SACS: variants seen among roughly 807,000 people sequenced by gnomAD.
SACS encodes the protein sacsin molecular chaperone.
A neutral mutation model predicts 348.0 loss-of-function variants in SACS; 197 were observed. That is an observed-to-expected ratio of 0.57 (90% CI 0.50 to 0.64). The LOEUF (loss-of-function observed/expected upper bound fraction) is 0.64. Ranked by LOEUF, SACS falls within the 30% of genes least tolerant of loss-of-function variation. The probability of loss-of-function intolerance (pLI) is 0.00; values close to 1 mark genes in which losing one functional copy is unlikely to be tolerated. For missense variants in SACS, 4,999 were observed against 5,360.8 expected, an observed-to-expected ratio of 0.93 and a Z score of 2.11; for synonymous variants, 1,985 against 1,910.6, an observed-to-expected ratio of 1.04 and a Z score of -1.02.
chr13:23,330,887 CTAA>C lies in SACS; in HGVS notation c.12986_12988del (p.Ile4329del). The stretch of plus-strand genomic sequence containing the variant: ...AGGATGCCATTTCAAATACAACCGC[CTAA>C]TAATCTTTTTTCGTTCCGATTCTGG... On this transcript the variant is annotated inframe_deletion, in exon 10 of 10. Transcript: ENST00000382292. 6.2e-7 allele frequency: 1 copy of C among 1,614,046 alleles called. No individual in the cohort carries two copies. The highest frequency in any genetic ancestry group is 8.5e-7 in the Non-Finnish European group (1 of 1,180,020).
rs2137604768 is a variant in SACS at position 23,336,898 on chromosome 13, G to C, written c.6978C>G (p.Ala2326=). Residue 2326 remains alanine (A), a synonymous_variant, in exon 10 of 10, where the codon GCC becomes GCG. Coordinates refer to ENST00000382292, the MANE Select transcript of SACS (RefSeq NM_014363.6). ...TNACYKYLHE[A]LMQNEITKMS... The stretch of plus-strand genomic sequence containing the variant: ...TCTTAGTGATTTCATTTTGCATCAA[G>C]GCTTCATGAAGGTATTTGTAGCAAG... 1.2e-6 allele frequency: 2 copies of C among 1,613,502 alleles called. No homozygotes were observed. Among genetic ancestry groups the C allele is most frequent in the Non-Finnish European group, 1.7e-6 (2 of 1,179,574 alleles).
Position 23,380,067 on chromosome 13 carries a change from A to G in SACS, c.21-4798T>C, listed in dbSNP as rs148527728. Among the ~76,000 whole-genome samples the G allele has an allele frequency of 1.1e-3, 172 of 151,540 alleles. 1 individual carries two copies. Among genetic ancestry groups the G allele is most frequent in the Non-Finnish European group, 2.1e-3 (145 of 67,932 alleles). ...CCATTTGGGCCACACTATTTCCTCA[A>G]CATCCTTCCTGCTCTTGAGGAAGGT... is the stretch of plus-strand genomic sequence containing the variant. On this transcript the variant is annotated intron_variant, in intron 2 of 9. Coordinates refer to ENST00000382292, the MANE Select transcript of SACS (RefSeq NM_014363.6).
chr13:23,387,463 GAAAAAAA>G (rs60355580), intron 2 of SACS, among the ~76,000 whole-genome samples: 3 of 91,362 alleles, frequency 3.3e-5, no homozygotes, highest in African/African-American at 9.7e-5. Flanking sequence ...CTCCGTCTCA[GAAAAAAA>G]AAAAAAAAAA....
chr13:23,420,354 G>A (rs1873878747), intron 1 of SACS, among the ~76,000 whole-genome samples: 1 of 152,120 alleles, frequency 6.6e-6, no homozygotes, highest in South Asian at 2.1e-4. Flanking sequence ...GGGGACTAAA[G>A]TCTACCTAGA....
intron 1 of SACS, chr13:23,419,337 G>A (rs541339199): frequency 1.6e-4 from 25 of 152,528 alleles, no homozygotes; most frequent in African/African-American, 6.0e-4. Flanking sequence ...GACCAACATG[G>A]GTTTTAGTGT....
intron 1 of SACS, 48 bp downstream of exon 1, chr13:23,433,567 C>T (rs773864383): frequency 3.3e-5 from 5 of 152,390 alleles, no homozygotes; most frequent in Non-Finnish European, 7.3e-5. Context: ...CCCCAGGCCG[C>T]TCCTGCAGCT....
intron 7 of SACS, among the ~76,000 whole-genome samples, chr13:23,356,626 C>A (rs1210243300): frequency 6.6e-6 from 1 of 152,222 alleles, no homozygotes; most frequent in Admixed American, 6.5e-5. Flanking sequence ...AGCTGCTTCA[C>A]CTGTTCCTCA....
At chr13:23,399,629 G>C (rs1396518301) in intron 2 of SACS, among the ~76,000 whole-genome samples, 1 of 152,146 alleles carries the variant, frequency 6.6e-6, no homozygotes, top group Non-Finnish European at 1.5e-5. Context: ...AACCACGTTA[G>C]GGATGAAACC....
chr13:23,426,281 C>G lies in SACS; in HGVS notation c.-502+7334G>C, dbSNP rs759847100. On this transcript the variant is annotated intron_variant, in intron 1 of 9. Coordinates refer to ENST00000382292, the MANE Select transcript of SACS (RefSeq NM_014363.6). ...CTCAGGAAGTCCTGATGACATTTGCCCAAGGTGGTCAGGGCACAGCTTGGT... is the reference window on the plus strand; with the variant it reads ...CTCAGGAAGTCCTGATGACATTTGCGCAAGGTGGTCAGGGCACAGCTTGGT... 3.3e-5 allele frequency among the ~76,000 whole-genome samples: 5 copies of G among 152,226 alleles called. No individual in the cohort carries two copies. In the East Asian group the frequency reaches 9.6e-4, roughly 29 times the overall value.
intron 2 of SACS, among the ~76,000 whole-genome samples, chr13:23,376,387 CAA>C (rs34834210): frequency 7.2e-6 from 1 of 139,282 alleles, no homozygotes. Context: ...ATACACATTG[CAA>C]AAAAAAAAAG....
chr13:23,340,062 C>T lies in SACS; in HGVS notation c.3814G>A (p.Ala1272Thr). Residue 1272 changes from alanine to threonine, a missense_variant, in exon 10 of 10, where the codon GCC (alanine) becomes ACC (threonine). Physicochemically the swap from Ala to Thr is moderately conservative, Grantham distance 58. This residue lies in a region of SACS where 3,156 missense variants were observed against 3,380.1 expected (regional missense o/e 0.93). Transcript: ENST00000382292. ...HLNEGKDSFR[A>T]LKFPWVWTGK... ...GTCCAAACCCATGGAAATTTTAAGG[C>T]TCTAAAAGAATCTTTCCCTTCATTT... is the stretch of plus-strand genomic sequence containing the variant. 2 of 1,613,984 alleles carry T rather than the reference C, an allele frequency of 1.2e-6. No individual in the cohort carries two copies. The highest frequency in any genetic ancestry group is 1.7e-6 in the Non-Finnish European group (2 of 1,179,970).
intron 5 of SACS, 78 bp downstream of exon 5, chr13:23,368,324 T>C (rs1871184277): frequency 9.4e-7 from 1 of 1,061,874 alleles, no homozygotes. Context: ...ATTTAAACAC[T>C]AATAGGACTT....
rs374010041 is a variant in SACS at position 23,354,734 on chromosome 13, C to A, written c.1878G>T (p.Val626=). The change falls in exon 8 of 10, where the codon GTG becomes GTT. Residue 626 remains valine (V), a synonymous_variant. Coordinates refer to ENST00000382292, the MANE Select transcript of SACS (RefSeq NM_014363.6). ...GCACCTGCCGCACCCACGCGGGCGT[C>A]ACCTTCCTCACAGGTGTTGTGCCAG... ...AASGTTPVRK[V]TPAWVRQVLR... 7.4e-6 allele frequency: 12 copies of A among 1,613,586 alleles called. No individual in the cohort carries two copies. The highest frequency in any genetic ancestry group is 1.0e-5 in the Non-Finnish European group (12 of 1,179,584).
intron 2 of SACS, among the ~76,000 whole-genome samples, chr13:23,399,894 G>A (rs4770441): frequency 0.21 from 31,756 of 151,504 alleles, 3,512 homozygotes; most frequent in African/African-American, 0.25. Context: ...AAACTTCTCC[G>A]CACACATAAA....
intron 2 of SACS, among the ~76,000 whole-genome samples, chr13:23,380,024 T>G (rs752847522): frequency 5.3e-5 from 8 of 152,138 alleles, no homozygotes; most frequent in Non-Finnish European, 8.8e-5. Context: ...ACCTGTCACA[T>G]GACATCGTTG....
At position 23,329,473 on chromosome 13, in the gene SACS, C is replaced by A; in HGVS notation, c.*663G>T. 1.3e-6 allele frequency: 1 copy of A among 767,764 alleles called. No homozygotes were observed. Among genetic ancestry groups the A allele is most frequent in the Admixed American group, 1.8e-5 (1 of 56,594 alleles). 47.6% of individuals were successfully genotyped at this position (767,764 alleles called of 1,614,324 possible). On this transcript the variant is annotated 3_prime_UTR_variant, in exon 10 of 10. Coordinates refer to ENST00000382292, the MANE Select transcript of SACS (RefSeq NM_014363.6). ...TTGAGTTTTCCGTTGCTATCTTCAT[C>A]AAACAGGAAGCCTGTAAACATAAGA...
At chr13:23,408,724 G>T (rs34411115) in intron 2 of SACS, among the ~76,000 whole-genome samples, 420 of 152,052 alleles carry the variant, frequency 2.8e-3, no homozygotes, top group Middle Eastern at 0.01. Context: ...CCAGCACTTC[G>T]GGAGGCCGAG....
At chr13:23,419,120 C>T (rs926881955) in intron 1 of SACS, 7 of 152,448 alleles carry the variant, frequency 4.6e-5, no homozygotes, top group Admixed American at 2.0e-4. Flanking sequence ...AGAGCGCGGC[C>T]GTCCGGCGCC....
At chr13:23,372,873 A>C (rs1268800973) in intron 3 of SACS, among the ~76,000 whole-genome samples, 2 of 152,154 alleles carry the variant, frequency 1.3e-5, no homozygotes, top group Non-Finnish European at 2.9e-5. Flanking sequence ...TGACTTTTGC[A>C]AAGTCTCTTG....
Sources: gnomAD v4.1 joint callset for allele counts (sites outside exome capture counted in the v4.1 genomes callset) on GRCh38, gnomAD v4.1.1 for gene constraint, gnomAD v4.1.1 regional missense constraint, MANE v1.5 for transcripts, NCBI Gene and HGNC (gene_info 2026-07-23, HGNC 2026-07-21) for gene names.